Variants in IQCE observed in about 807,000 individuals in gnomAD.
IQCE encodes IQ motif containing E.
Under a neutral mutation model 96.0 loss-of-function variants are expected in IQCE, and 115 were observed. The observed-to-expected ratio is 1.20, with a 90% CI of 1.03 to 1.40. The LOEUF (loss-of-function observed/expected upper bound fraction) is 1.40, where lower values mean the gene tolerates loss of function less well. Ranked by LOEUF, IQCE falls within the 40% of genes most tolerant of loss-of-function variation. The pLI is 0.00. For missense variants in IQCE, 1,041 were observed against 909.1 expected, an observed-to-expected ratio of 1.15 and a Z score of -1.87; for synonymous variants, 412 against 371.2, an observed-to-expected ratio of 1.11 and a Z score of -1.26.
Position 2,593,883 on chromosome 7 carries a change from T to C in IQCE, c.1349+757T>C, listed in dbSNP as rs563610178. On this transcript the variant is annotated intron_variant, in intron 15 of 21. Transcript: ENST00000402050. ...ATTCTATGTGATGAGTCTTAACTTT[T>C]TAAAATGCACAAAAAACTAGGTTAG... is the stretch of plus-strand genomic sequence containing the variant. Among the ~76,000 whole-genome samples the C allele has an allele frequency of 2.0e-5, 3 of 152,336 alleles. No individual in the cohort carries two copies. The South Asian group carries it at 6.2e-4, about 32-fold the overall frequency.
chr7:2,559,435 C>T lies in IQCE; in HGVS notation c.36+218C>T, dbSNP rs1780751723. On this transcript the variant is annotated intron_variant, in intron 1 of 21. Coordinates refer to ENST00000402050, the MANE Select transcript of IQCE (RefSeq NM_152558.5). ...CCCGCGCCCGCTTTCGCAGAGGCCG[C>T]CGCTTCCAGGAAGCTCTCCGGGACG... 3 of 289,592 alleles carry T rather than the reference C, an allele frequency of 1.0e-5. 1 individual carries two copies. Among genetic ancestry groups the T allele is most frequent in the Non-Finnish European group, 6.3e-6 (1 of 157,592 alleles). 17.9% of individuals were successfully genotyped at this position (289,592 alleles called of 1,614,324 possible).
Position 2,598,551 on chromosome 7 carries a change from G to A in IQCE, c.1527G>A (p.Arg509=). Residue 509 remains arginine (R), a synonymous_variant, in exon 17 of 22, where the codon CGG becomes CGA. Transcript: ENST00000402050. ...PPDSSEEGLP[R]PRSPCSDGRR... ...ATTCCAGCGAGGAGGGGCTCCCGCG[G>A]CCCCGCTCCCCCTGCTCTGATGGGA... The A allele has an allele frequency of 6.2e-7, 1 of 1,610,922 alleles. No individual in the cohort carries two copies. The highest frequency in any genetic ancestry group is 1.3e-5 in the African/African-American group (1 of 74,864).
rs372299983 is a variant in IQCE at position 2,578,236 on chromosome 7, C to G, written c.466-6C>G. The G allele has an allele frequency of 2.0e-5, 32 of 1,609,458 alleles. No individual in the cohort carries two copies. The highest frequency in any genetic ancestry group is 8.0e-5 in the African/African-American group (6 of 74,594). On this transcript the variant is annotated splice_region_variant and splice_polypyrimidine_tract_variant and intron_variant, in intron 6 of 21. Transcript: ENST00000402050. The stretch of plus-strand genomic sequence containing the variant: ...GATGGCTGTGCATGGCCCTTGTTTT[C>G]TTCAGTCATTGCACGTGCAGAAGAG...
At chr7:2,609,540 C>T (rs1052443310) in intron 21 of IQCE, among the ~76,000 whole-genome samples, 3 of 152,286 alleles carry the variant, frequency 2.0e-5, no homozygotes, top group Admixed American at 1.3e-4. Context: ...CCAGTGTGGA[C>T]TCGAGGTTCC....
At chr7:2,566,899 G>A (rs1342628466) in intron 1 of IQCE, among the ~76,000 whole-genome samples, 4 of 152,188 alleles carry the variant, frequency 2.6e-5, no homozygotes, top group Admixed American at 6.5e-5. Context: ...CCTGCTGGGC[G>A]GCGTTTTGTG....
chr7:2,591,330 G>A lies in IQCE; in HGVS notation c.1244+1224G>A, dbSNP rs535019275. Among the ~76,000 whole-genome samples the A allele has an allele frequency of 1.5e-3, 222 of 152,048 alleles. 2 individuals are homozygous for A. The highest frequency in any genetic ancestry group is 5.1e-3 in the African/African-American group (211 of 41,490). On this transcript the variant is annotated intron_variant, in intron 14 of 21. Coordinates refer to ENST00000402050, the MANE Select transcript of IQCE (RefSeq NM_152558.5). The stretch of plus-strand genomic sequence containing the variant: ...AGGGCTGGGAAGGCAGGGCCTCACC[G>A]GGGGTTCTGGAGTTCCATGACCTGT...
chr7:2,590,686 G>A (rs1783518951), intron 14 of IQCE, among the ~76,000 whole-genome samples: 1 of 152,068 alleles, frequency 6.6e-6, no homozygotes, highest in Non-Finnish European at 1.5e-5. Context: ...GATCACTTGA[G>A]CCCAAGAGTT....
At chr7:2,581,724 T>A (rs1307301590) in intron 8 of IQCE, among the ~76,000 whole-genome samples, 1 of 151,370 alleles carries the variant, frequency 6.6e-6, no homozygotes, top group Non-Finnish European at 1.5e-5. Context: ...TTTTTTTTTT[T>A]TTTGAGATGG....
Position 2,589,909 on chromosome 7 carries a change from A to T in IQCE, c.1047A>T (p.Lys349Asn). 6.2e-7 allele frequency: 1 copy of T among 1,613,670 alleles called. No homozygotes were observed. Among genetic ancestry groups the T allele is most frequent in the Non-Finnish European group, 8.5e-7 (1 of 1,179,924 alleles). Residue 349 changes from lysine (K) to asparagine (N), a missense_variant and splice_region_variant, in exon 14 of 22, where the codon AAA becomes AAT. Physicochemically the swap from Lys to Asn is moderately conservative, Grantham distance 94. Coordinates refer to ENST00000402050, the MANE Select transcript of IQCE (RefSeq NM_152558.5). ...ACACATGTCTGTGTTGCCTCCAGAAACTAAGTGTGATGGAGAGCTCAAAAT... is the reference window on the plus strand; with the variant it reads ...ACACATGTCTGTGTTGCCTCCAGAATCTAAGTGTGATGGAGAGCTCAAAAT... Reference protein sequence around the residue: ...LLRRIVELEKKLSVMESSKSH... With the variant: ...LLRRIVELEKNLSVMESSKSH...
rs775507705 is a variant in IQCE, at chr7:2,578,350, A to G, written c.574A>G (p.Ser192Gly). The change falls in exon 7 of 22, where the codon AGC becomes GGC. Residue 192 changes from serine to glycine, a missense_variant. Coordinates refer to ENST00000402050, the MANE Select transcript of IQCE (RefSeq NM_152558.5). The stretch of plus-strand genomic sequence containing the variant: ...GCAGATAGAGCAGCTCCTGGATCCC[A>G]GCCGCGTAAGCTCCTGGCGCTTCAC... The part of the protein sequence containing the change: ...DRQIEQLLDP[S>G]RGTDFVRTLA... 93 of 1,613,418 alleles carry G rather than the reference A, an allele frequency of 5.8e-5. No individual in the cohort carries two copies. Among genetic ancestry groups the G allele is most frequent in the Non-Finnish European group, 7.7e-5 (91 of 1,179,774 alleles).
At chr7:2,559,999 A>G (rs563070836) in intron 1 of IQCE, among the ~76,000 whole-genome samples, 4 of 152,198 alleles carry the variant, frequency 2.6e-5, no homozygotes, top group African/African-American at 9.6e-5. Context: ...TCTCTACAAA[A>G]AACCATCACA....
chr7:2,578,470 C>T lies in IQCE; in HGVS notation c.580-6C>T, dbSNP rs1782387063. 7 of 1,614,162 alleles carry T rather than the reference C, an allele frequency of 4.3e-6. No homozygotes were observed. The highest frequency in any genetic ancestry group is 5.9e-6 in the Non-Finnish European group (7 of 1,179,996). ...CCGTCTTCATGTCTCAATCTGCTTACCACAGGGCACGGATTTTGTTCGGAC... is the reference window on the plus strand; with the variant it reads ...CCGTCTTCATGTCTCAATCTGCTTATCACAGGGCACGGATTTTGTTCGGAC... On this transcript the variant is annotated splice_polypyrimidine_tract_variant and splice_region_variant and intron_variant, in intron 7 of 21. Transcript: ENST00000402050.
At position 2,593,117 on chromosome 7, in the gene IQCE, A is replaced by G. The variant is rs1236159754; in HGVS notation, c.1340A>G (p.Glu447Gly). ...GAGGAGGAGAGGAGAGAGCGAGAGG[A>G]GGTTTTGAGGTATGTGACCCGGGTC... ...EGEEERRERE[E>G]VLREEIQTLT... Residue 447 changes from glutamate (E) to glycine (G), a missense_variant, in exon 15 of 22, where the codon GAG becomes GGG. Transcript: ENST00000402050. 1 of 1,610,040 alleles carries G rather than the reference A, an allele frequency of 6.2e-7. No homozygotes were observed. The highest frequency in any genetic ancestry group is 1.3e-5 in the African/African-American group (1 of 74,868).
chr7:2,560,253 A>G (rs1166206128), intron 1 of IQCE, among the ~76,000 whole-genome samples: 1 of 152,264 alleles, frequency 6.6e-6, no homozygotes, highest in East Asian at 1.9e-4. Flanking sequence ...TGTCTCAAAA[A>G]AAAAGAAAGC....
At chr7:2,578,607 C>T in intron 8 of IQCE, 81 bp downstream of exon 8, 9 of 1,469,940 alleles carry the variant, frequency 6.1e-6, no homozygotes, top group Non-Finnish European at 7.6e-6. Context: ...CCTTTCCCTG[C>T]AGCACCCACG....
intron 6 of IQCE, among the ~76,000 whole-genome samples, chr7:2,575,339 G>C (rs1454947030): frequency 6.6e-6 from 1 of 152,224 alleles, no homozygotes; most frequent in Admixed American, 6.5e-5. Context: ...TTCCCACTGG[G>C]CAGGGTGGGA....
intron 13 of IQCE, among the ~76,000 whole-genome samples, chr7:2,588,804 T>C (rs1783347527): frequency 6.6e-6 from 1 of 151,770 alleles, no homozygotes; most frequent in Non-Finnish European, 1.5e-5. Flanking sequence ...TAGCTGGGAT[T>C]ACAGGTGCCC....
intron 3 of IQCE, chr7:2,571,291 T>C (rs1781736030): frequency 2.1e-6 from 1 of 469,690 alleles, no homozygotes; most frequent in South Asian, 2.1e-5. Flanking sequence ...GGTATTGGTA[T>C]TATAGGCATG....
In IQCE at chr7:2,607,219, C is replaced by T. The variant is rs780284226; in HGVS notation, c.1961C>T (p.Ala654Val). The T allele has an allele frequency of 4.3e-6, 7 of 1,613,780 alleles. No homozygotes were observed. Among genetic ancestry groups the T allele is most frequent in the Non-Finnish European group, 5.1e-6 (6 of 1,179,886 alleles). Residue 654 changes from alanine to valine, a missense_variant, in exon 21 of 22, where the codon GCT (alanine) becomes GTT (valine). Ala to Val is a moderately conservative substitution (Grantham distance 64). Transcript: ENST00000402050. ...GDASSPPFLA[A>V]LPDPSPSGPQ... is the part of the protein sequence containing the mutation. ...GCCTCCTCCCCACCCTTCCTCGCAG[C>T]TCTTCCTGGTAATTTCATTCATTTG...
Sources: allele counts gnomAD v4.1 joint callset (sites outside exome capture counted in the v4.1 genomes callset), GRCh38; gene constraint gnomAD v4.1.1; transcripts MANE v1.5; gene names NCBI Gene and HGNC (gene_info 2026-07-23, HGNC 2026-07-21).